Variants in ANKS1B observed in about 807,000 individuals in gnomAD.
The protein encoded by ANKS1B is ankyrin repeat and sterile alpha motif domain-containing protein 1B.
Under a neutral mutation model 148.3 loss-of-function variants are expected in ANKS1B, and 36 were observed. The ratio of observed to expected loss-of-function variants is 0.24; its 90% CI spans 0.19 to 0.32. The LOEUF is 0.32. Among genes scored for constraint, ANKS1B ranks in the 10% least tolerant of loss-of-function variants. The probability of loss-of-function intolerance (pLI) is 1.00; values close to 1 mark genes in which losing one functional copy is unlikely to be tolerated. For synonymous variants in ANKS1B, 542 were observed against 560.8 expected (o/e 0.97, Z 0.47); for missense variants, 1,157 against 1,542.6 (o/e 0.75, Z 4.19).
chr12:99,667,451 T>G (rs1555536485), intron 8 of ANKS1B, among the ~76,000 whole-genome samples: 1 of 152,224 alleles, frequency 6.6e-6, no homozygotes, highest in Non-Finnish European at 1.5e-5. Context: ...TTATTTACTT[T>G]GCATCTTGCA....
chr12:98,737,658 A>G (rs989942993), intron 9 of ANKS1B, among the ~76,000 whole-genome samples: 2 of 152,186 alleles, frequency 1.3e-5, no homozygotes, highest in Non-Finnish European at 2.9e-5. Flanking sequence ...TCCTTTCCAT[A>G]AGGATATCAT....
At chr12:99,792,928 A>T (rs1210591578) in intron 4 of ANKS1B, among the ~76,000 whole-genome samples, 1 of 152,036 alleles carries the variant, frequency 6.6e-6, no homozygotes, top group Non-Finnish European at 1.5e-5. Flanking sequence ...AGATAATACA[A>T]TCTTATATTT....
intron 17 of ANKS1B, among the ~76,000 whole-genome samples, chr12:99,035,051 A>G (rs1282312672): frequency 2.0e-5 from 3 of 152,172 alleles, no homozygotes; most frequent in Non-Finnish European, 4.4e-5. Flanking sequence ...ACAACACCCC[A>G]AAATGAAGGC....
chr12:99,708,640 T>A (rs2153532389), intron 8 of ANKS1B, among the ~76,000 whole-genome samples: 1 of 152,232 alleles, frequency 6.6e-6, no homozygotes, highest in South Asian at 2.1e-4. Flanking sequence ...CAGTTTAGTA[T>A]CTTCTATCAT....
intron 17 of ANKS1B, among the ~76,000 whole-genome samples, chr12:98,862,933 A>G (rs1194172732): frequency 1.3e-5 from 2 of 152,246 alleles, no homozygotes; most frequent in Non-Finnish European, 2.9e-5. Context: ...TCTCTACCAC[A>G]GACAGTTGCA....
intron 25 of ANKS1B, among the ~76,000 whole-genome samples, chr12:98,758,423 G>A (rs2098315479): frequency 6.6e-6 from 1 of 152,198 alleles, no homozygotes; most frequent in South Asian, 2.1e-4. Context: ...AAACATGTGA[G>A]CCAATTGAGC....
At chr12:99,565,999 A>G (rs1463230061) in intron 9 of ANKS1B, among the ~76,000 whole-genome samples, 2 of 152,168 alleles carry the variant, frequency 1.3e-5, no homozygotes, top group Non-Finnish European at 2.9e-5. Context: ...TCTCTTGAAA[A>G]GAGCCTTTGT....
chr12:99,509,181 C>A (rs2096739986), intron 9 of ANKS1B, among the ~76,000 whole-genome samples: 1 of 151,824 alleles, frequency 6.6e-6, no homozygotes, highest in Admixed American at 6.6e-5. Flanking sequence ...CTCCTTGGGC[C>A]TCCCTATTTC....
chr12:99,938,074 CA>C (rs1209210941), intron 1 of ANKS1B, among the ~76,000 whole-genome samples: 1 of 152,030 alleles, frequency 6.6e-6, no homozygotes, highest in Non-Finnish European at 1.5e-5. Context: ...TGTTTCTAGT[CA>C]AAAGAATAAG....
At chr12:99,185,992 C>T (rs2079790655) in intron 14 of ANKS1B, among the ~76,000 whole-genome samples, 1 of 152,172 alleles carries the variant, frequency 6.6e-6, no homozygotes, top group South Asian at 2.1e-4. Flanking sequence ...GATCCACTGG[C>T]TTGAAATTCT....
chr12:99,112,730 C>T (rs1295334798), intron 15 of ANKS1B, among the ~76,000 whole-genome samples: 1 of 152,130 alleles, frequency 6.6e-6, no homozygotes, highest in African/African-American at 2.4e-5. Context: ...CATTATGATC[C>T]ACTATTTTAA....
chr12:99,880,197 G>A (rs2092389428), intron 1 of ANKS1B, among the ~76,000 whole-genome samples: 1 of 152,204 alleles, frequency 6.6e-6, no homozygotes, highest in African/African-American at 2.4e-5. Context: ...CCAAAGTAGT[G>A]AGAGTAATAT....
chr12:99,256,696 T>C (rs2075299790), intron 12 of ANKS1B, among the ~76,000 whole-genome samples: 1 of 152,188 alleles, frequency 6.6e-6, no homozygotes, highest in African/African-American at 2.4e-5. Context: ...TTTTGTGGCT[T>C]TCATCTTTCC....
At chr12:98,742,311 T>C (rs75463718), downstream of ANKS1B, among the ~76,000 whole-genome samples, 2,616 of 151,908 alleles carry the variant, frequency 0.017, 44 homozygotes, top group African/African-American at 0.046. Context: ...CACTGGTCGT[T>C]AACTACTCTT....
At chr12:99,246,957 A>C (rs886681224) in intron 12 of ANKS1B, 93 bp from the exon 13 acceptor site, 16 of 971,626 alleles carry the variant, frequency 1.6e-5, no homozygotes, top group Non-Finnish European at 2.4e-5. Flanking sequence ...GGCTATCCAA[A>C]CATTTCATTT....
rs148540602 is a variant in ANKS1B at position 99,710,057 on chromosome 12, CG to C, written c.1129-54848del. 8.2e-3 allele frequency among the ~76,000 whole-genome samples: 1,245 copies of C among 152,140 alleles called. 17 individuals carry two copies. Among genetic ancestry groups the C allele is most frequent in the African/African-American group, 0.029 (1,185 of 41,514 alleles). On this transcript the variant is annotated intron_variant, in intron 8 of 26. Coordinates refer to ENST00000683438, the MANE Select transcript of ANKS1B (RefSeq NM_001352186.2). ...TCCATAATGGGGCTCATTCATTTTC[CG>C]TATTATAGTATCTACTTTCTAAAGC...
At chr12:99,615,353 T>TA (rs375688816) in intron 9 of ANKS1B, among the ~76,000 whole-genome samples, 95 of 152,106 alleles carry the variant, frequency 6.2e-4, no homozygotes, top group Middle Eastern at 3.4e-3. Context: ...ATTCAATAGT[T>TA]AAAAAAAATG....
chr12:99,244,432 C>G lies in ANKS1B; in HGVS notation c.2347-18G>C, dbSNP rs748105212. On this transcript the variant is annotated intron_variant, in intron 13 of 26. Coordinates refer to ENST00000683438, the MANE Select transcript of ANKS1B (RefSeq NM_001352186.2). ...TTGTCAATCTGTAAGAAACAAAAACCATTTAAATGGATTGTTACATTCACT... is the reference window on the plus strand; with the variant it reads ...TTGTCAATCTGTAAGAAACAAAAACGATTTAAATGGATTGTTACATTCACT... 21 of 1,503,934 alleles carry G rather than the reference C, an allele frequency of 1.4e-5. No individual in the cohort carries two copies. The highest frequency in any genetic ancestry group is 1.8e-5 in the Non-Finnish European group (20 of 1,095,114). 93.2% of individuals were successfully genotyped at this position (1,503,934 alleles called of 1,614,324 possible). A position where few individuals can be genotyped will look rare whatever the true frequency, so the allele number is the denominator to read the frequency against.
At chr12:98,804,394 T>C (rs1279953077) in intron 20 of ANKS1B, among the ~76,000 whole-genome samples, 1 of 149,522 alleles carries the variant, frequency 6.7e-6, no homozygotes, top group Admixed American at 6.8e-5. Context: ...TGGAAATTCA[T>C]CAACTTCTCT....
Sources: allele counts gnomAD v4.1 joint callset (sites outside exome capture counted in the v4.1 genomes callset), GRCh38; gene constraint gnomAD v4.1.1; transcripts MANE v1.5; gene names NCBI Gene and HGNC (gene_info 2026-07-23, HGNC 2026-07-21).